The following ACCSL variants were observed in gnomAD, a reference collection of about 807,000 sequenced individuals.
The protein encoded by ACCSL is probable inactive 1-aminocyclopropane-1-carboxylate synthase-like protein 2.
Under a neutral mutation model 61.7 loss-of-function variants are expected in ACCSL, and 55 were observed. That is an observed-to-expected ratio of 0.89 (90% CI 0.72 to 1.12). The LOEUF is 1.12. Ranked by LOEUF, ACCSL falls within the 50% of genes most tolerant of loss-of-function variation. ACCSL has a pLI of 0.00. For synonymous variants in ACCSL, 258 were observed against 264.3 expected, an observed-to-expected ratio of 0.98 and a Z score of 0.23; for missense variants, 632 against 698.0, an observed-to-expected ratio of 0.91 and a Z score of 1.07.
intron 3 of ACCSL, 93 bp from the exon 4 acceptor site, chr11:44,051,242 A>G: frequency 1.5e-6 from 2 of 1,313,088 alleles, no homozygotes; most frequent in Non-Finnish European, 2.2e-6. Context: ...GACTGAGTAG[A>G]AAAGGTCCCT....
At chr11:43,994,779 G>A in the ACCSL span, among the ~76,000 whole-genome samples, 13 of 151,996 alleles carry the variant, frequency 8.6e-5, no homozygotes, top group African/African-American at 2.4e-4. Flanking sequence ...ACTACAATGC[G>A]CGTGCCACCA....
chr11:44,000,071 A>G, the ACCSL span, among the ~76,000 whole-genome samples: 2 of 152,120 alleles, frequency 1.3e-5, no homozygotes, highest in African/African-American at 2.4e-5. Context: ...CTTGAGCCCA[A>G]GAGTTTGAGA....
At chr11:44,039,625 AC>A in the ACCSL span, among the ~76,000 whole-genome samples, 1 of 152,188 alleles carries the variant, frequency 6.6e-6, no homozygotes, top group Admixed American at 6.5e-5. Context: ...ATGTAACCAA[AC>A]ACAGCCTGTT....
In ACCSL at chr11:44,047,993, T is replaced by C. The variant is rs767012539; in HGVS notation, c.-44T>C. 13 of 1,578,160 alleles carry C rather than the reference T, an allele frequency of 8.2e-6. No homozygotes were observed. Among genetic ancestry groups the C allele is most frequent in the South Asian group, 1.2e-5 (1 of 86,514 alleles). On this transcript the variant is annotated 5_prime_UTR_variant, in exon 1 of 14. Coordinates refer to ENST00000378832, the MANE Select transcript of ACCSL (RefSeq NM_001031854.2). The stretch of plus-strand genomic sequence containing the variant: ...CCATTGTCAATGGTCTCTTTCTCCA[T>C]AGGTGCCAGGCAGCCTTCAGAGGCC...
chr11:43,939,976 G>A, the ACCSL span, among the ~76,000 whole-genome samples: 1 of 151,958 alleles, frequency 6.6e-6, no homozygotes, highest in Non-Finnish European at 1.5e-5. Context: ...TCTCAGTTCT[G>A]TCTTCAGGGA....
At chr11:43,981,589 C>T in the ACCSL span, among the ~76,000 whole-genome samples, 1 of 152,256 alleles carries the variant, frequency 6.6e-6, no homozygotes, top group Non-Finnish European at 1.5e-5. Context: ...GCTGCTCCTC[C>T]TTCCTCGCAG....
At chr11:43,960,136 G>A in the ACCSL span, among the ~76,000 whole-genome samples, 1 of 152,058 alleles carries the variant, frequency 6.6e-6, no homozygotes, top group African/African-American at 2.4e-5. Flanking sequence ...TCCAGGAGAG[G>A]CTGGCACCCA....
the ACCSL span, among the ~76,000 whole-genome samples, chr11:43,949,475 C>T: frequency 6.6e-6 from 1 of 152,148 alleles, no homozygotes; most frequent in East Asian, 1.9e-4. Context: ...GTCAGGCAAA[C>T]CTGCCTTCTA....
the ACCSL span, among the ~76,000 whole-genome samples, chr11:44,031,723 T>C: frequency 3.3e-5 from 5 of 152,250 alleles, no homozygotes; most frequent in East Asian, 3.9e-4. Flanking sequence ...TGAGCCAAAG[T>C]AGACTGATGG....
the ACCSL span, among the ~76,000 whole-genome samples, chr11:44,007,033 C>A: frequency 1.5e-4 from 23 of 152,058 alleles, no homozygotes; most frequent in African/African-American, 5.3e-4. Context: ...GAGGAGAGAC[C>A]AACACTACCC....
chr11:43,956,261 C>T, the ACCSL span, among the ~76,000 whole-genome samples: 145 of 152,274 alleles, frequency 9.5e-4, no homozygotes, highest in African/African-American at 3.3e-3. Flanking sequence ...GTGTGGGCTA[C>T]GGTTGGTTTA....
chr11:44,010,295 G>A, the ACCSL span, among the ~76,000 whole-genome samples: 1 of 152,132 alleles, frequency 6.6e-6, no homozygotes, highest in Non-Finnish European at 1.5e-5. Flanking sequence ...AGCCGAGATC[G>A]CACCATTGCA....
the ACCSL span, among the ~76,000 whole-genome samples, chr11:43,970,822 G>A: frequency 3.9e-5 from 6 of 152,282 alleles, no homozygotes; most frequent in African/African-American, 1.2e-4. Context: ...CCTGGACTCG[G>A]TCAGTGGGAG....
the ACCSL span, among the ~76,000 whole-genome samples, chr11:43,938,842 T>G: frequency 6.6e-6 from 1 of 152,180 alleles, no homozygotes; most frequent in Non-Finnish European, 1.5e-5. Context: ...AAGGCTATCC[T>G]AAGGACATCC....
chr11:43,999,328 G>A, the ACCSL span, among the ~76,000 whole-genome samples: 1 of 152,142 alleles, frequency 6.6e-6, no homozygotes, highest in Admixed American at 6.5e-5. Context: ...CAACCTCTGG[G>A]TCAGGAATAC....
At chr11:43,937,368 G>A in the ACCSL span, among the ~76,000 whole-genome samples, 1 of 152,222 alleles carries the variant, frequency 6.6e-6, no homozygotes, top group African/African-American at 2.4e-5. Flanking sequence ...TCAGTAGGGT[G>A]GCTAGGCGAG....
the ACCSL span, among the ~76,000 whole-genome samples, chr11:43,946,404 C>T: frequency 1.4e-4 from 21 of 152,038 alleles, no homozygotes; most frequent in African/African-American, 4.6e-4. Flanking sequence ...GGCCCTGGTT[C>T]GTTTTTTAAG....
the ACCSL span, among the ~76,000 whole-genome samples, chr11:43,938,284 C>G: frequency 2.6e-5 from 4 of 152,210 alleles, no homozygotes; most frequent in Admixed American, 6.5e-5. Context: ...TCTCCACAAC[C>G]ACCGACAGGG....
At chr11:44,058,292 C>A in intron 11 of ACCSL, 25 bp from the exon 12 acceptor site, 1 of 1,613,062 alleles carries the variant, frequency 6.2e-7, no homozygotes, top group South Asian at 1.1e-5. Context: ...ATATCTGTGA[C>A]AGTGTTTTTC....
Sources: gnomAD v4.1 joint callset for allele counts (sites outside exome capture counted in the v4.1 genomes callset) on GRCh38, gnomAD v4.1.1 for gene constraint, MANE v1.5 for transcripts, NCBI Gene and HGNC (gene_info 2026-07-23, HGNC 2026-07-21) for gene names.